The following SMC6 variants were observed in gnomAD, a reference collection of about 807,000 sequenced individuals.
SMC6 encodes structural maintenance of chromosomes 6, also known as structural maintenance of chromosomes protein 6.
SMC6 carries 79 observed loss-of-function variants against 142.2 expected under a neutral mutation model. The ratio of observed to expected loss-of-function variants is 0.56; its 90% CI spans 0.46 to 0.67. The LOEUF is 0.67. Among genes scored for constraint, SMC6 ranks in the 30% least tolerant of loss-of-function variants. SMC6 has a pLI of 0.00. For missense variants in SMC6, 1,072 were observed against 1,284.0 expected (o/e 0.83, Z 2.52); for synonymous variants, 411 against 412.4 (o/e 1.00, Z 0.04).
At chr2:17,668,804 G>GA (rs1317763454) in intron 26 of SMC6, among the ~76,000 whole-genome samples, 1 of 152,084 alleles carries the variant, frequency 6.6e-6, no homozygotes, top group East Asian at 1.9e-4. Flanking sequence ...TAGAACAGCT[G>GA]AAAAAAGCAG....
Position 17,695,140 on chromosome 2 carries a change from C to A in SMC6, c.2678+12G>T. ...ATAATGTGGTAAAGCAGAAAAGCTA[C>A]CAGCTACTTACCTCATTATTTCCTC... On this transcript the variant is annotated intron_variant, in intron 23 of 27. Transcript: ENST00000448223. 6.2e-7 allele frequency: 1 copy of A among 1,611,994 alleles called. No homozygotes were observed. Among genetic ancestry groups the A allele is most frequent in the Non-Finnish European group, 8.5e-7 (1 of 1,179,444 alleles).
chr2:17,718,249 T>C lies in SMC6; in HGVS notation c.946-26A>G, dbSNP rs776728302. The C allele has an allele frequency of 3.1e-5, 47 of 1,520,366 alleles. 1 individual carries two copies. The South Asian group carries it at 5.9e-4, about 19-fold the overall frequency. The allele number at this position is 1,520,366 out of a possible 1,614,324, so 94.2% of individuals were successfully genotyped here. ...CTTTAAGAAAATAACATTATTGAAGTATATTTTTTCTTCAATAGAGAGAAT... is the reference window on the plus strand; with the variant it reads ...CTTTAAGAAAATAACATTATTGAAGCATATTTTTTCTTCAATAGAGAGAAT... On this transcript the variant is annotated intron_variant, in intron 11 of 27. Transcript: ENST00000448223.
At chr2:17,666,351 A>C in intron 27 of SMC6, 69 bp downstream of exon 27, 1 of 1,146,822 alleles carries the variant, frequency 8.7e-7, no homozygotes, top group Non-Finnish European at 1.3e-6. Context: ...TTTAAAAATT[A>C]AAATTGTAAA....
intron 18 of SMC6, among the ~76,000 whole-genome samples, chr2:17,705,494 G>A (rs542962236): frequency 1.7e-4 from 26 of 152,048 alleles, no homozygotes; most frequent in African/African-American, 3.1e-4. Flanking sequence ...CTTGAACACC[G>A]GAGGCAGAGG....
rs1487095811 is a variant in SMC6 at position 17,701,855 on chromosome 2, GTTC to G, written c.2194_2196del (p.Glu732del). ...AAAGTTGCAATATCTACAGACTGGT[GTTC>G]TTCTATGTTCTCAAGTTCCCGAATT... On this transcript the variant is annotated inframe_deletion, in exon 20 of 28. Transcript: ENST00000448223. 1 of 1,578,410 alleles carries G rather than the reference GTTC, an allele frequency of 6.3e-7. No homozygotes were observed. Among genetic ancestry groups the G allele is most frequent in the Admixed American group, 1.8e-5 (1 of 55,362 alleles).
chr2:17,747,902 T>TG (rs1444914581), intron 2 of SMC6, among the ~76,000 whole-genome samples: 3 of 152,232 alleles, frequency 2.0e-5, no homozygotes, highest in Non-Finnish European at 2.9e-5. Flanking sequence ...AAAACTCCAC[T>TG]GTACACTCAT....
chr2:17,710,076 C>T (rs1668749938), intron 16 of SMC6, among the ~76,000 whole-genome samples: 1 of 152,196 alleles, frequency 6.6e-6, no homozygotes. Flanking sequence ...ACAACATGAC[C>T]TGACTTTACG....
In SMC6 at chr2:17,741,703, C is replaced by T. The variant is rs1422312990; in HGVS notation, c.147G>A (p.Glu49=). The change falls in exon 4 of 28, where the codon GAG becomes GAA. Residue 49 remains glutamate (E), a synonymous_variant. Coordinates refer to ENST00000448223, the MANE Select transcript of SMC6 (RefSeq NM_001142286.2). ...TLTAAEVGII[E]SIHLKNFMCH... ...ACATGAAGTTTTTTAGGTGAATACT[C>T]TCAATTATTCCAACTTCTGCTGCAG... 6.2e-7 allele frequency: 1 copy of T among 1,608,548 alleles called. No homozygotes were observed. Among genetic ancestry groups the T allele is most frequent in the African/African-American group, 1.3e-5 (1 of 74,756 alleles).
intron 25 of SMC6, among the ~76,000 whole-genome samples, chr2:17,676,795 T>C (rs73921037): frequency 0.018 from 2,764 of 152,294 alleles, 54 homozygotes; most frequent in African/African-American, 0.047. Flanking sequence ...AGGTAGTTTA[T>C]ATTTTTGATG....
intron 5 of SMC6, among the ~76,000 whole-genome samples, chr2:17,733,444 GTAGTT>G: frequency 6.6e-6 from 1 of 152,148 alleles, no homozygotes; most frequent in East Asian, 1.9e-4. Flanking sequence ...TCAGAATTCT[GTAGTT>G]TAGTTGATAT....
chr2:17,720,798 G>C lies in SMC6; in HGVS notation c.945+142C>G, dbSNP rs141688946. 4.9e-3 allele frequency: 3,382 copies of C among 692,488 alleles called. 19 individuals carry two copies. Among genetic ancestry groups the C allele is most frequent in the Non-Finnish European group, 6.8e-3 (2,873 of 422,514 alleles). 42.9% of individuals were successfully genotyped at this position (692,488 alleles called of 1,614,324 possible). On this transcript the variant is annotated intron_variant, in intron 11 of 27. Coordinates refer to ENST00000448223, the MANE Select transcript of SMC6 (RefSeq NM_001142286.2). ...ACAACAGGCCTTGAAAACAAGCTTA[G>C]GTCTATTTCACCTAAGCAATCAATT...
In SMC6 at chr2:17,745,919, A is replaced by G. The variant is rs1262059536; in HGVS notation, c.28T>C (p.Ser10Pro). MAKRKEENF[S>P]SPKNAKRPRQ... is the part of the protein sequence containing the mutation. ...GGCCTTTTGGCATTTTTAGGAGAGG[A>G]AAAATTTTCTTCCTTTCTTTTGGCC... The change falls in exon 3 of 28, where the codon TCC becomes CCC. Residue 10 changes from serine to proline, a missense_variant. By Grantham distance (74) the Ser-to-Pro change is moderately conservative. Transcript: ENST00000448223. The G allele has an allele frequency of 6.2e-7, 1 of 1,610,336 alleles. No individual in the cohort carries two copies. Among genetic ancestry groups the G allele is most frequent in the East Asian group, 2.2e-5 (1 of 44,692 alleles).
At chr2:17,695,033 A>G (rs1038366754) in intron 23 of SMC6, 119 bp downstream of exon 23, 15 of 1,097,798 alleles carry the variant, frequency 1.4e-5, no homozygotes, top group Admixed American at 4.4e-5. Context: ...TACTTCAGCT[A>G]TAACTATTTG....
intron 23 of SMC6, among the ~76,000 whole-genome samples, chr2:17,693,946 G>C (rs191889528): frequency 2.1e-5 from 3 of 142,680 alleles, no homozygotes; most frequent in Non-Finnish European, 4.5e-5. Flanking sequence ...GCTGCAGTGA[G>C]CCGAGATCAC....
intron 7 of SMC6, among the ~76,000 whole-genome samples, chr2:17,728,354 A>C (rs1421460864): frequency 1.3e-5 from 2 of 152,164 alleles, no homozygotes; most frequent in Admixed American, 1.3e-4. Context: ...GGATCACTTG[A>C]GCCTGAGAGG....
At chr2:17,740,079 ACT>A (rs1317409515) in intron 4 of SMC6, among the ~76,000 whole-genome samples, 1 of 151,870 alleles carries the variant, frequency 6.6e-6, no homozygotes, top group African/African-American at 2.4e-5. Context: ...TCCTATTCTA[ACT>A]CTCTTTTCTT....
intron 23 of SMC6, among the ~76,000 whole-genome samples, chr2:17,686,847 G>A (rs1004052019): frequency 4.6e-5 from 7 of 152,210 alleles, no homozygotes; most frequent in African/African-American, 1.4e-4. Flanking sequence ...GGATGGCTAA[G>A]ATAGTAACGT....
intron 18 of SMC6, among the ~76,000 whole-genome samples, chr2:17,705,394 T>C (rs1202777447): frequency 6.6e-6 from 1 of 152,116 alleles, no homozygotes; most frequent in African/African-American, 2.4e-5. Flanking sequence ...CTTGTCAATA[T>C]GGTGAAACCC....
intron 7 of SMC6, among the ~76,000 whole-genome samples, chr2:17,728,290 G>A (rs1379681277): frequency 6.6e-6 from 1 of 151,996 alleles, no homozygotes; most frequent in East Asian, 1.9e-4. Context: ...ACAAAAATTA[G>A]CCGGGTGTAA....
Sources: allele counts gnomAD v4.1 joint callset (sites outside exome capture counted in the v4.1 genomes callset), GRCh38; gene constraint gnomAD v4.1.1; transcripts MANE v1.5; gene names NCBI Gene and HGNC (gene_info 2026-07-23, HGNC 2026-07-21).